FTO: variants seen among roughly 807,000 people sequenced by gnomAD.
FTO encodes FTO alpha-ketoglutarate dependent dioxygenase, also known as alpha-ketoglutarate-dependent dioxygenase FTO.
A neutral mutation model predicts 63.9 loss-of-function variants in FTO; 47 were observed. That is an observed-to-expected ratio of 0.74 (90% confidence interval 0.58 to 0.94). The LOEUF (loss-of-function observed/expected upper bound fraction) is 0.94. Among genes scored for constraint, FTO ranks in the 40% least tolerant of loss-of-function variants. The pLI is 0.00. For synonymous variants in FTO, 207 were observed against 224.4 expected (o/e 0.92, Z 0.69); for missense variants, 562 against 618.1 (o/e 0.91, Z 0.96).
At chr16:54,007,255 A>G (rs1054066265) in intron 8 of FTO, among the ~76,000 whole-genome samples, 6 of 152,194 alleles carry the variant, frequency 3.9e-5, no homozygotes, top group Admixed American at 1.3e-4. Flanking sequence ...ATGTATACAT[A>G]TGTAACAAAC....
Position 54,027,429 on chromosome 16 carries a change from G to A in FTO, c.1365-84333G>A, listed in dbSNP as rs551361234. On this transcript the variant is annotated intron_variant, in intron 8 of 8. Coordinates refer to ENST00000471389, the MANE Select transcript of FTO (RefSeq NM_001080432.3). ...CTAAAACTTTAGCATACATCACATC[G>A]AATGTTTCTTTGCTTCAGACAAAGC... Among the ~76,000 whole-genome samples, 36 of 152,188 alleles carry A rather than the reference G, an allele frequency of 2.4e-4. No individual in the cohort carries two copies. The East Asian group carries it at 2.9e-3, about 12-fold the overall frequency.
chr16:53,739,567 G>C (rs1429372790), intron 1 of FTO, among the ~76,000 whole-genome samples: 1 of 152,048 alleles, frequency 6.6e-6, no homozygotes, highest in Non-Finnish European at 1.5e-5. Flanking sequence ...TAAATGAGAT[G>C]CCTCATATAT....
intron 1 of FTO, among the ~76,000 whole-genome samples, chr16:53,774,809 C>T (rs963044303): frequency 1.3e-4 from 20 of 152,166 alleles, no homozygotes; most frequent in Middle Eastern, 3.4e-3. Flanking sequence ...AGGAGTCATT[C>T]CTAGAACTGT....
In FTO at chr16:53,826,298, C is replaced by T. The variant is rs45492996; in HGVS notation, c.558C>T (p.Asn186=). The T allele has an allele frequency of 5.5e-5, 89 of 1,613,918 alleles. No individual in the cohort carries two copies. The highest frequency in any genetic ancestry group is 3.3e-4 in the Middle Eastern group (2 of 6,084). ...FPRVGMGSSY[N]GQDEVDIKSR... ...GGGTTGGGATGGGTTCATCCTACAA[C>T]GGACAAGATGAAGTGGACATTAAGA... The change falls in exon 3 of 9, where the codon AAC becomes AAT. Residue 186 remains asparagine, a synonymous_variant. Coordinates refer to ENST00000471389, the MANE Select transcript of FTO (RefSeq NM_001080432.3).
At position 54,116,509 on chromosome 16, in the gene FTO, A is replaced by G. The variant is rs1332459747; in HGVS notation, c.*4594A>G. On this transcript the variant is annotated 3_prime_UTR_variant, in exon 9 of 9. Coordinates refer to ENST00000471389, the MANE Select transcript of FTO (RefSeq NM_001080432.3). ...TTTTAATTAAGTTTCATTGGGAGCC[A>G]TAGGTATCGCGGTGGTGAAATCAAT... 1 of 152,162 alleles carries G rather than the reference A, an allele frequency of 6.6e-6. No individual in the cohort carries two copies. Among genetic ancestry groups the G allele is most frequent in the South Asian group, 2.1e-4 (1 of 4,812 alleles). The allele number at this position is 152,162 out of a possible 1,614,324, so 9.4% of individuals were successfully genotyped here.
intron 1 of FTO, among the ~76,000 whole-genome samples, chr16:53,762,338 C>A (rs1032950104): frequency 6.6e-6 from 1 of 151,694 alleles, no homozygotes; most frequent in South Asian, 2.1e-4. Context: ...TTTAATAGTC[C>A]CACATATTCT....
chr16:53,976,572 A>G (rs1338232713), intron 8 of FTO, among the ~76,000 whole-genome samples: 2 of 152,070 alleles, frequency 1.3e-5, no homozygotes, highest in Non-Finnish European at 2.9e-5. Context: ...TTTTTGTCAG[A>G]TGAATCTTAG....
intron 3 of FTO, among the ~76,000 whole-genome samples, chr16:53,834,508 C>T (rs1598779803): frequency 2.0e-5 from 3 of 152,110 alleles, no homozygotes; most frequent in South Asian, 2.1e-4. Flanking sequence ...TCAGTTTTCT[C>T]ATCTGTAAAA....
rs570584111 is a variant in FTO, at chr16:54,112,152, A to G, written c.*237A>G. The stretch of plus-strand genomic sequence containing the variant: ...ACCTTCTTCCCCCAAAATTGTTCAG[A>G]TTATAAAATGTGAGCCATTCAGCCC... On this transcript the variant is annotated 3_prime_UTR_variant, in exon 9 of 9. Coordinates refer to ENST00000471389, the MANE Select transcript of FTO (RefSeq NM_001080432.3). 7.5e-6 allele frequency: 4 copies of G among 534,868 alleles called. No homozygotes were observed. The highest frequency in any genetic ancestry group is 3.1e-5 in the Admixed American group (1 of 32,058). The allele number at this position is 534,868 out of a possible 1,614,324, so 33.1% of individuals were successfully genotyped here.
chr16:53,794,349 G>A (rs9933855), intron 1 of FTO, among the ~76,000 whole-genome samples: 5,479 of 152,244 alleles, frequency 0.036, 128 homozygotes, highest in South Asian at 0.079. Context: ...GAAAAAAGTC[G>A]TAGCTGGGCT....
In FTO at chr16:53,816,154, T is replaced by C. The variant is rs182793270; in HGVS notation, c.123+5937T>C. Among the ~76,000 whole-genome samples the C allele has an allele frequency of 2.7e-3, 415 of 152,300 alleles. 1 individual carries two copies. The highest frequency in any genetic ancestry group is 9.4e-3 in the African/African-American group (389 of 41,560). ...GAGCATCTACTCTTAAAGACTTTAC[T>C]TAAACACTACATGTTCTGTGAAGGC... On this transcript the variant is annotated intron_variant, in intron 2 of 8. Transcript: ENST00000471389.
At chr16:53,809,183 A>G (rs557696463) in intron 1 of FTO, among the ~76,000 whole-genome samples, 10 of 152,308 alleles carry the variant, frequency 6.6e-5, no homozygotes, top group African/African-American at 2.4e-4. Context: ...GTCTCTTGAA[A>G]CAGCCTCAGA....
chr16:54,013,443 A>G (rs1413215343), intron 8 of FTO: 2 of 151,838 alleles, frequency 1.3e-5, no homozygotes, highest in Admixed American at 1.3e-4. Context: ...TGAATCTTAC[A>G]TAAACCGAGT....
intron 8 of FTO, chr16:53,998,202 C>G (rs186815074): frequency 2.0e-5 from 3 of 152,184 alleles, no homozygotes; most frequent in Admixed American, 2.0e-4. Flanking sequence ...GAGTCAAGAT[C>G]ATGTGTATTT....
At chr16:53,743,881 G>T (rs2076584834) in intron 1 of FTO, among the ~76,000 whole-genome samples, 7 of 151,876 alleles carry the variant, frequency 4.6e-5, no homozygotes, top group Admixed American at 4.6e-4. Flanking sequence ...GTTGCTTTCA[G>T]ATTTTTTCCT....
intron 8 of FTO, among the ~76,000 whole-genome samples, chr16:54,075,129 G>A (rs1240966079): frequency 2.0e-5 from 3 of 151,990 alleles, no homozygotes; most frequent in African/African-American, 7.3e-5. Flanking sequence ...GGAATGCTTG[G>A]CTTTTTCTAA....
At chr16:53,795,375 C>T (rs2078034214) in intron 1 of FTO, among the ~76,000 whole-genome samples, 1 of 152,180 alleles carries the variant, frequency 6.6e-6, no homozygotes, top group Admixed American at 6.5e-5. Flanking sequence ...CTTTTGGCCT[C>T]AAGTGATCTT....
chr16:53,769,626 A>G (rs2077287487), intron 1 of FTO, among the ~76,000 whole-genome samples: 1 of 152,178 alleles, frequency 6.6e-6, no homozygotes, highest in South Asian at 2.1e-4. Context: ...ATGAGACACT[A>G]CAGGCATTGT....
At chr16:53,988,904 A>T (rs1223998484) in intron 8 of FTO, among the ~76,000 whole-genome samples, 2 of 152,144 alleles carry the variant, frequency 1.3e-5, no homozygotes, top group African/African-American at 2.4e-5. Context: ...ACCTAGAAAG[A>T]ATCTTAAAAT....
Sources: gnomAD v4.1 joint callset for allele counts (sites outside exome capture counted in the v4.1 genomes callset) on GRCh38, gnomAD v4.1.1 for gene constraint, MANE v1.5 for transcripts, NCBI Gene and HGNC (gene_info 2026-07-23, HGNC 2026-07-21) for gene names.